NDUFS4: variants seen among roughly 807,000 people sequenced by gnomAD.
NDUFS4 encodes NADH:ubiquinone oxidoreductase subunit S4.
A neutral mutation model predicts 24.3 loss-of-function variants in NDUFS4; 28 were observed. The observed-to-expected ratio is 1.15, with a 90% confidence interval of 0.85 to 1.58. The LOEUF (loss-of-function observed/expected upper bound fraction) is 1.58. Among genes scored for constraint, NDUFS4 ranks in the 40% most tolerant of loss-of-function variants. The pLI, the probability that NDUFS4 is intolerant of heterozygous loss-of-function variation, is 0.00. For synonymous variants in NDUFS4, 93 were observed against 69.7 expected (o/e 1.34, Z -1.67); for missense variants, 223 against 207.9 (o/e 1.07, Z -0.45).
intron 4 of NDUFS4, among the ~76,000 whole-genome samples, chr5:53,661,890 T>C (rs1024562823): frequency 1.3e-5 from 2 of 152,180 alleles, no homozygotes; most frequent in African/African-American, 4.8e-5. Flanking sequence ...CTTAAGGCGA[T>C]TTTGGGCTGA....
chr5:53,607,498 CTG>C (rs1314858798), intron 2 of NDUFS4, among the ~76,000 whole-genome samples: 4 of 152,070 alleles, frequency 2.6e-5, no homozygotes, highest in Admixed American at 2.6e-4. Context: ...AAAAAAAAGA[CTG>C]TTCTAGTGGG....
intron 2 of NDUFS4, among the ~76,000 whole-genome samples, chr5:53,624,340 G>T (rs866520564): frequency 9.9e-5 from 15 of 152,178 alleles, no homozygotes; most frequent in African/African-American, 3.6e-4. Flanking sequence ...GATTTCACGT[G>T]AATTTTAGGA....
chr5:53,663,082 CAGT>C (rs1406992824), intron 4 of NDUFS4, among the ~76,000 whole-genome samples: 1 of 152,032 alleles, frequency 6.6e-6, no homozygotes, highest in African/African-American at 2.4e-5. Flanking sequence ...ATTATGTACC[CAGT>C]AGTCATTCAG....
chr5:53,625,296 T>TA (rs1751184876), intron 2 of NDUFS4, among the ~76,000 whole-genome samples: 1 of 152,152 alleles, frequency 6.6e-6, no homozygotes, highest in African/African-American at 2.4e-5. Flanking sequence ...TTATGATAAT[T>TA]ATCTTATCTT....
In NDUFS4 at chr5:53,629,091, C is replaced by G. The variant is rs141208654; in HGVS notation, c.178-17142C>G. ...CTGGTACGTTGTGTCTTTGTTCTCA[C>G]TGGTTTCAAAGAACATCCTTATTTC... On this transcript the variant is annotated intron_variant, in intron 2 of 4. Coordinates refer to ENST00000296684, the MANE Select transcript of NDUFS4 (RefSeq NM_002495.4). Among the ~76,000 whole-genome samples the G allele has an allele frequency of 8.0e-3, 1,220 of 152,222 alleles. 18 individuals are homozygous for G. The highest frequency in any genetic ancestry group is 0.027 in the African/African-American group (1,126 of 41,542).
intron 1 of NDUFS4, among the ~76,000 whole-genome samples, chr5:53,565,534 G>A (rs1748991591): frequency 6.6e-6 from 1 of 152,180 alleles, no homozygotes; most frequent in South Asian, 2.1e-4. Context: ...AGAGATGAGC[G>A]ATTGTGAGGA....
chr5:53,621,119 A>G (rs1157396523), intron 2 of NDUFS4, among the ~76,000 whole-genome samples: 1 of 152,162 alleles, frequency 6.6e-6, no homozygotes, highest in Non-Finnish European at 1.5e-5. Flanking sequence ...TTTTGAAACT[A>G]CTGTTGGTTG....
chr5:53,661,887 C>T (rs1013222580), intron 4 of NDUFS4, among the ~76,000 whole-genome samples: 6 of 152,078 alleles, frequency 3.9e-5, no homozygotes, highest in South Asian at 2.1e-4. Flanking sequence ...GAGCTTAAGG[C>T]GATTTTGGGC....
chr5:53,625,605 A>C (rs1045619047), intron 2 of NDUFS4, among the ~76,000 whole-genome samples: 1 of 151,936 alleles, frequency 6.6e-6, no homozygotes, highest in Admixed American at 6.6e-5. Flanking sequence ...AAATTTACTG[A>C]TCTTTTCTTC....
chr5:53,603,408 C>T (rs761939656), intron 1 of NDUFS4, 44 bp from the exon 2 acceptor site: 1 of 1,391,316 alleles, frequency 7.2e-7, no homozygotes, highest in Non-Finnish European at 1.0e-6. Flanking sequence ...TGTCTCTCCT[C>T]TCATTGCCTG....
intron 4 of NDUFS4, among the ~76,000 whole-genome samples, chr5:53,665,574 A>G (rs1223133905): frequency 2.0e-5 from 3 of 151,930 alleles, no homozygotes; most frequent in Non-Finnish European, 2.9e-5. Context: ...TTGATCTCAG[A>G]CTCCTGTGCT....
chr5:53,642,048 CT>C (rs1751720180), intron 2 of NDUFS4, among the ~76,000 whole-genome samples: 1 of 152,092 alleles, frequency 6.6e-6, no homozygotes. Context: ...AAAGTTTTGG[CT>C]TTTCTGGGCG....
chr5:53,673,931 C>T (rs988838487), intron 4 of NDUFS4, among the ~76,000 whole-genome samples: 4 of 152,174 alleles, frequency 2.6e-5, no homozygotes, highest in African/African-American at 9.7e-5. Flanking sequence ...CTCAGAGATA[C>T]AGCCTCTCTG....
Position 53,683,158 on chromosome 5 carries a change from C to CAA in NDUFS4, c.466_467dup (p.Lys158ProfsTer32), listed in dbSNP as rs762971226. ...TTGAAGAGAGGAAGGTTCCAAAACC[C>CAA]AAGTCCAAGTCTTATGGTGCAAACT... On this transcript the variant is annotated frameshift_variant, in exon 5 of 5. Transcript: ENST00000296684. LOFTEE classifies it high-confidence loss of function. 6.2e-7 allele frequency: 1 copy of CAA among 1,612,456 alleles called. No individual in the cohort carries two copies. The highest frequency in any genetic ancestry group is 1.1e-5 in the South Asian group (1 of 91,042).
intron 4 of NDUFS4, among the ~76,000 whole-genome samples, chr5:53,671,976 A>G (rs1740267610): frequency 6.6e-6 from 1 of 152,162 alleles, no homozygotes; most frequent in Non-Finnish European, 1.5e-5. Flanking sequence ...GCTGAGGACA[A>G]GCTGTGAAAC....
chr5:53,565,911 C>A (rs1009682606), intron 1 of NDUFS4, among the ~76,000 whole-genome samples: 1 of 151,630 alleles, frequency 6.6e-6, no homozygotes, highest in Non-Finnish European at 1.5e-5. Flanking sequence ...CGGTGGCTCA[C>A]GCCTGTAATC....
intron 1 of NDUFS4, among the ~76,000 whole-genome samples, chr5:53,587,952 T>C (rs944136837): frequency 3.3e-5 from 5 of 152,192 alleles, no homozygotes; most frequent in Admixed American, 2.6e-4. Context: ...TGATTGGGTA[T>C]AATAATTACT....
intron 2 of NDUFS4, among the ~76,000 whole-genome samples, chr5:53,639,090 T>G (rs1191568664): frequency 6.6e-6 from 1 of 152,008 alleles, no homozygotes; most frequent in Non-Finnish European, 1.5e-5. Flanking sequence ...TTACTCTCTT[T>G]TTTCCCATAA....
chr5:53,604,001 A>T (rs1249058491), intron 2 of NDUFS4, among the ~76,000 whole-genome samples: 1 of 152,164 alleles, frequency 6.6e-6, no homozygotes. Context: ...GTATGAAGAA[A>T]TAACTAGCAA....
Sources: allele counts gnomAD v4.1 joint callset (sites outside exome capture counted in the v4.1 genomes callset), GRCh38; gene constraint gnomAD v4.1.1; transcripts MANE v1.5; gene names NCBI Gene and HGNC (gene_info 2026-07-23, HGNC 2026-07-21).